GRM1: variants seen among roughly 807,000 people sequenced by gnomAD.
GRM1 encodes the protein glutamate metabotropic receptor 1.
A neutral mutation model predicts 90.9 loss-of-function variants in GRM1; 33 were observed. The ratio of observed to expected loss-of-function variants is 0.36; its 90% CI spans 0.28 to 0.49. GRM1 has a LOEUF of 0.49. Ranked by LOEUF, GRM1 falls within the 20% of genes least tolerant of loss-of-function variation. The probability of loss-of-function intolerance (pLI) is 0.99; values close to 1 mark genes in which losing one functional copy is unlikely to be tolerated. For missense variants in GRM1, 1,190 were observed against 1,534.3 expected (o/e 0.78, Z 3.75); for synonymous variants, 700 against 613.2 (o/e 1.14, Z -2.09).
intron 1 of GRM1, among the ~76,000 whole-genome samples, chr6:146,047,607 G>A (rs1023364599): frequency 3.4e-5 from 5 of 148,510 alleles, no homozygotes; most frequent in Admixed American, 1.3e-4. Flanking sequence ...CAGGAGCAAC[G>A]CCTTCTTCTT....
chr6:146,048,766 G>A (rs1791423022), intron 1 of GRM1, among the ~76,000 whole-genome samples: 1 of 151,918 alleles, frequency 6.6e-6, no homozygotes, highest in South Asian at 2.1e-4. Context: ...CGGAGATTGG[G>A]GTGATGCATC....
chr6:146,075,626 A>G (rs1352998428), intron 1 of GRM1, among the ~76,000 whole-genome samples: 6 of 152,200 alleles, frequency 3.9e-5, no homozygotes, highest in Admixed American at 6.5e-5. Flanking sequence ...TACAAACAGA[A>G]TAATTTAAAA....
At chr6:146,401,775 C>T (rs1777167668) in intron 7 of GRM1, among the ~76,000 whole-genome samples, 1 of 151,960 alleles carries the variant, frequency 6.6e-6, no homozygotes, top group Non-Finnish European at 1.5e-5. Flanking sequence ...GTGTTGGTGC[C>T]CAGGAATATG....
chr6:146,149,416 T>C (rs1777234578), intron 1 of GRM1, among the ~76,000 whole-genome samples: 1 of 152,202 alleles, frequency 6.6e-6, no homozygotes, highest in Non-Finnish European at 1.5e-5. Context: ...TAAAGCCTTA[T>C]GTCCACTTTC....
Position 146,399,729 on chromosome 6 carries a change from T to C in GRM1, c.2660+30T>C. The stretch of plus-strand genomic sequence containing the variant: ...GTTATCTGACCTGTTTGTCTCTCTT[T>C]TCTCTTCCTTTCTCTGTCTCTTTCT... On this transcript the variant is annotated intron_variant, in intron 7 of 7. Transcript: ENST00000282753. The surrounding 1 kb of genome is among the most constrained non-coding windows in gnomAD (Gnocchi z 5.4). The C allele has an allele frequency of 2.2e-6, 3 of 1,366,436 alleles. No individual in the cohort carries two copies. Among genetic ancestry groups the C allele is most frequent in the Admixed American group, 1.8e-5 (1 of 55,396 alleles). The allele number at this position is 1,366,436 out of a possible 1,614,324, so 84.6% of individuals were successfully genotyped here.
At chr6:146,144,702 G>A (rs915162257) in intron 1 of GRM1, among the ~76,000 whole-genome samples, 17 of 152,180 alleles carry the variant, frequency 1.1e-4, no homozygotes, top group Non-Finnish European at 1.8e-4. Flanking sequence ...TTTAGAACTG[G>A]GTAAGAGACT....
chr6:146,321,277 C>A (rs755445602), intron 3 of GRM1, among the ~76,000 whole-genome samples: 1 of 152,090 alleles, frequency 6.6e-6, no homozygotes, highest in Non-Finnish European at 1.5e-5. Flanking sequence ...TGTAGTTGTG[C>A]GGTTTTGAGT....
At chr6:146,162,112 A>G (rs904531111) in intron 2 of GRM1, among the ~76,000 whole-genome samples, 1 of 152,060 alleles carries the variant, frequency 6.6e-6, no homozygotes, top group African/African-American at 2.4e-5. Flanking sequence ...TGTCAAATAT[A>G]TCTCCCTCCC....
At chr6:146,375,508 C>T (rs1044971703) in intron 5 of GRM1, among the ~76,000 whole-genome samples, 3 of 151,898 alleles carry the variant, frequency 2.0e-5, no homozygotes, top group Admixed American at 2.0e-4. Context: ...AATCTCCAGT[C>T]ATTATTGTAT....
intron 1 of GRM1, among the ~76,000 whole-genome samples, chr6:146,050,478 T>C (rs1192882635): frequency 6.6e-6 from 1 of 152,052 alleles, no homozygotes; most frequent in Non-Finnish European, 1.5e-5. Context: ...GAAATGATGA[T>C]AAAAAGACAT....
intron 1 of GRM1, among the ~76,000 whole-genome samples, chr6:146,153,997 G>A (rs984623623): frequency 2.6e-5 from 4 of 151,972 alleles, no homozygotes; most frequent in East Asian, 1.9e-4. Flanking sequence ...AATAAGCTTC[G>A]TGCCCATTGG....
intron 1 of GRM1, among the ~76,000 whole-genome samples, chr6:146,136,627 AT>A (rs890890225): frequency 2.0e-5 from 3 of 151,858 alleles, no homozygotes; most frequent in African/African-American, 4.8e-5. Flanking sequence ...GGACTATTAG[AT>A]TTTTTTCCTG....
intron 2 of GRM1, among the ~76,000 whole-genome samples, chr6:146,212,950 A>T (rs1779730374): frequency 6.6e-6 from 1 of 152,280 alleles, no homozygotes; most frequent in East Asian, 1.9e-4. Context: ...TACATGCTAG[A>T]CTTGATGCCA....
chr6:146,394,580 C>G (rs904502784), intron 6 of GRM1, among the ~76,000 whole-genome samples: 9 of 152,044 alleles, frequency 5.9e-5, no homozygotes, highest in African/African-American at 2.2e-4. Context: ...TGGGTGTAAT[C>G]ATCAGTGTAT....
chr6:146,228,106 A>G (rs1435896435), intron 2 of GRM1, among the ~76,000 whole-genome samples: 2 of 152,212 alleles, frequency 1.3e-5, no homozygotes, highest in African/African-American at 4.8e-5. Context: ...ACTGTTGAGT[A>G]GAACCCCAAA....
In GRM1 at chr6:146,159,369, T is replaced by C. The variant is rs768616151; in HGVS notation, c.722T>C (p.Met241Thr). The C allele has an allele frequency of 6.2e-6, 10 of 1,614,002 alleles. No individual in the cohort carries two copies. Among genetic ancestry groups the C allele is most frequent in the Non-Finnish European group, 6.8e-6 (8 of 1,179,956 alleles). ...HTEGNYGESG[M>T]DAFKELAAQE... Reference sequence around the variant, plus strand: ...ACAGGGAATTATGGGGAGAGCGGAATGGACGCTTTCAAAGAGCTGGCTGCC... The same window carrying C: ...ACAGGGAATTATGGGGAGAGCGGAACGGACGCTTTCAAAGAGCTGGCTGCC... Residue 241 changes from methionine (M) to threonine (T), a missense_variant, in exon 2 of 8, where the codon ATG (methionine) becomes ACG (threonine). Met to Thr is a moderately conservative substitution (Grantham distance 81). Coordinates refer to ENST00000282753, the MANE Select transcript of GRM1 (RefSeq NM_001278064.2).
intron 1 of GRM1, among the ~76,000 whole-genome samples, chr6:146,040,413 G>T (rs1172332495): frequency 6.6e-6 from 1 of 151,974 alleles, no homozygotes; most frequent in African/African-American, 2.4e-5. Context: ...TTTTCTTTCA[G>T]ATTGAAGAAC....
At chr6:146,214,316 A>G (rs1250563195) in intron 2 of GRM1, among the ~76,000 whole-genome samples, 2 of 152,202 alleles carry the variant, frequency 1.3e-5, no homozygotes, top group Non-Finnish European at 2.9e-5. Flanking sequence ...AATGGGTCTC[A>G]TGGGAGAGGG....
intron 4 of GRM1, 39 bp downstream of exon 4, chr6:146,352,535 C>G (rs374738896): frequency 8.7e-5 from 139 of 1,604,880 alleles, no homozygotes; most frequent in Non-Finnish European, 1.1e-4. Flanking sequence ...ACCTTGTGAG[C>G]CTTCCTGTGC....
Sources: allele counts gnomAD v4.1 joint callset (sites outside exome capture counted in the v4.1 genomes callset), GRCh38; gene constraint gnomAD v4.1.1; non-coding constraint Gnocchi (gnomAD v3.1); transcripts MANE v1.5; gene names NCBI Gene and HGNC (gene_info 2026-07-23, HGNC 2026-07-21).